The following ALG9 variants were observed in gnomAD, a reference collection of about 807,000 sequenced individuals.
The protein encoded by ALG9 is alpha-1,2-mannosyltransferase ALG9.
ALG9 carries 55 observed loss-of-function variants against 81.8 expected under a neutral mutation model. The observed-to-expected ratio is 0.67, with a 90% CI of 0.54 to 0.84. The LOEUF is 0.84. Ranked by LOEUF, ALG9 falls within the 40% of genes least tolerant of loss-of-function variation. ALG9 has a pLI of 0.00. For missense variants in ALG9, 629 were observed against 745.0 expected (o/e 0.84, Z 1.81); for synonymous variants, 278 against 274.3 (o/e 1.01, Z -0.13).
At chr11:111,831,439 A>G (rs1347057717) in intron 13 of ALG9, among the ~76,000 whole-genome samples, 2 of 152,250 alleles carry the variant, frequency 1.3e-5, no homozygotes, top group Non-Finnish European at 2.9e-5. Context: ...TCGAGGCTAT[A>G]GTGAGCTATG....
chr11:111,822,449 C>G (rs1441647591), intron 13 of ALG9, among the ~76,000 whole-genome samples: 1 of 117,764 alleles, frequency 8.5e-6, no homozygotes, highest in East Asian at 2.7e-4. Context: ...CTGTGGCTCA[C>G]ACCTGTAATT....
At position 111,856,274 on chromosome 11, in the gene ALG9, C is replaced by T. The variant is rs1380441553; in HGVS notation, c.701+1328G>A. Among the ~76,000 whole-genome samples, 6 of 93,824 alleles carry T rather than the reference C, an allele frequency of 6.4e-5. No individual in the cohort carries two copies. In the South Asian group the frequency reaches 1.9e-3, roughly 30 times the overall value. The allele number at this position is 93,824 out of a possible 152,430, so 61.6% of individuals were successfully genotyped here. A position where few individuals can be genotyped will look rare whatever the true frequency, so the allele number is the denominator to read the frequency against. On this transcript the variant is annotated intron_variant, in intron 6 of 14. Coordinates refer to ENST00000616540, the MANE Select transcript of ALG9 (RefSeq NM_024740.2). ...CCTGGGTGACAGAGCAAGACTCCAT[C>T]TCAAAAAAAAAAAAAAAAAAAAGAA...
At chr11:111,846,364 T>C (rs886104399) in intron 8 of ALG9, among the ~76,000 whole-genome samples, 3 of 152,158 alleles carry the variant, frequency 2.0e-5, no homozygotes, top group African/African-American at 4.8e-5. Flanking sequence ...CAAGCACCAA[T>C]AGGAAAAAGC....
At chr11:111,871,270 C>T (rs1964210674) in intron 1 of ALG9, 82 bp downstream of exon 1, 1 of 1,334,930 alleles carries the variant, frequency 7.5e-7, no homozygotes, top group Non-Finnish European at 9.5e-7. Context: ...CTGAGCCCCG[C>T]GCGCCACAGC....
chr11:111,805,116 G>A, intron 14 of ALG9: 1 of 362,164 alleles, frequency 2.8e-6, no homozygotes, highest in South Asian at 2.1e-5. Context: ...ATTTGGAGGT[G>A]GGCCTTTGGA....
downstream of ALG9, among the ~76,000 whole-genome samples, chr11:111,779,605 C>T (rs1465129793): frequency 6.6e-6 from 1 of 152,092 alleles, no homozygotes; most frequent in Non-Finnish European, 1.5e-5. Context: ...CCCACCTCAG[C>T]CTCCCAAAGT....
intron 1 of ALG9, chr11:111,870,853 C>T: frequency 1.0e-6 from 1 of 1,002,560 alleles, no homozygotes; most frequent in Non-Finnish European, 1.2e-6. Context: ...TTATTCATTC[C>T]CCCTTATGTT....
rs555402819 is a variant in ALG9, at chr11:111,839,603, G to A, written c.1173+1052C>T. Reference sequence around the variant, plus strand: ...GATTCCGTCTCAAAAAAAAAAAAAGGGGGGGGGGGATATAAAGTTACATGT... The same window carrying A: ...GATTCCGTCTCAAAAAAAAAAAAAGAGGGGGGGGGATATAAAGTTACATGT... On this transcript the variant is annotated intron_variant, in intron 10 of 14. Coordinates refer to ENST00000616540, the MANE Select transcript of ALG9 (RefSeq NM_024740.2). Among the ~76,000 whole-genome samples the A allele has an allele frequency of 1.9e-4, 17 of 87,402 alleles. 1 individual carries two copies. The East Asian group carries it at 5.9e-3, about 31-fold the overall frequency. 57.3% of individuals were successfully genotyped at this position (87,402 alleles called of 152,430 possible).
At chr11:111,825,744 G>A (rs1230984840) in intron 13 of ALG9, among the ~76,000 whole-genome samples, 1 of 152,022 alleles carries the variant, frequency 6.6e-6, no homozygotes, top group Non-Finnish European at 1.5e-5. Flanking sequence ...TTCACCTTTA[G>A]GTTTATCAAA....
chr11:111,836,418 A>C, intron 12 of ALG9, 124 bp from the exon 13 acceptor site: 1 of 1,303,662 alleles, frequency 7.7e-7, no homozygotes, highest in Non-Finnish European at 1.1e-6. Flanking sequence ...TATTTCTGCT[A>C]AAACCTCAAC....
intron 4 of ALG9, 92 bp downstream of exon 4, chr11:111,865,089 T>C (rs1566253020): frequency 2.2e-5 from 25 of 1,113,002 alleles, no homozygotes; most frequent in Non-Finnish European, 3.0e-5. Context: ...GAGTTTTCTA[T>C]TTCTAATCAC....
At chr11:111,850,249 C>A (rs937583689) in intron 8 of ALG9, among the ~76,000 whole-genome samples, 5 of 152,166 alleles carry the variant, frequency 3.3e-5, no homozygotes, top group African/African-American at 1.2e-4. Context: ...CTGTAAATGA[C>A]ACACTAATGT....
At chr11:111,818,516 G>T (rs1951855233) in intron 13 of ALG9, among the ~76,000 whole-genome samples, 1 of 152,178 alleles carries the variant, frequency 6.6e-6, no homozygotes, top group African/African-American at 2.4e-5. Flanking sequence ...CCTACTCGTG[G>T]AACATTCCCT....
the ALG9 span, among the ~76,000 whole-genome samples, chr11:111,769,745 A>G: frequency 2.0e-5 from 3 of 152,248 alleles, no homozygotes; most frequent in Non-Finnish European, 2.9e-5. Context: ...ATATGCTAAC[A>G]AAAACTGGCA....
intron 13 of ALG9, among the ~76,000 whole-genome samples, chr11:111,812,902 C>G (rs1017133362): frequency 1.8e-5 from 2 of 111,748 alleles, no homozygotes; most frequent in Non-Finnish European, 3.4e-5. Flanking sequence ...GGTGACAGAG[C>G]AAGACTCTGT....
intron 13 of ALG9, among the ~76,000 whole-genome samples, chr11:111,829,847 AC>A (rs1388129218): frequency 6.6e-6 from 1 of 152,200 alleles, no homozygotes; most frequent in African/African-American, 2.4e-5. Flanking sequence ...TAAGCCTCTA[AC>A]AGTACTCATC....
At chr11:111,788,440 C>T (rs782201898) in intron 14 of ALG9, 6 of 453,854 alleles carry the variant, frequency 1.3e-5, no homozygotes, top group South Asian at 9.3e-5. Flanking sequence ...GAAGCACCTA[C>T]CCCAGTCAAG....
intron 13 of ALG9, among the ~76,000 whole-genome samples, chr11:111,827,063 T>C (rs192893004): frequency 6.6e-6 from 1 of 152,362 alleles, no homozygotes; most frequent in Admixed American, 6.5e-5. Flanking sequence ...TTTTGTTTTA[T>C]GAACCCCAAA....
rs558347195 is a variant in ALG9 at position 111,790,641 on chromosome 11, C to T, written c.1734-4121G>A. 1.2e-4 allele frequency among the ~76,000 whole-genome samples: 18 copies of T among 152,024 alleles called. No homozygotes were observed. The South Asian group carries it at 2.3e-3, about 19-fold the overall frequency. On this transcript the variant is annotated intron_variant, in intron 14 of 14. Transcript: ENST00000616540. ...ATCTAGACTATATAAACTGTTCCTG[C>T]GATCAGTAAGACAATTCCACAGGAA...
Sources: gnomAD v4.1 joint callset for allele counts (sites outside exome capture counted in the v4.1 genomes callset) on GRCh38, gnomAD v4.1.1 for gene constraint, MANE v1.5 for transcripts, NCBI Gene and HGNC (gene_info 2026-07-23, HGNC 2026-07-21) for gene names.